PPIL4: variants seen among roughly 807,000 people sequenced by gnomAD.
PPIL4 encodes the protein peptidyl-prolyl cis-trans isomerase-like 4.
In PPIL4, 50 loss-of-function variants were observed where a neutral mutation model predicts 69.1. The observed-to-expected ratio is 0.72, with a 90% CI of 0.58 to 0.92. The LOEUF is 0.92. Ranked by LOEUF, PPIL4 falls within the 40% of genes least tolerant of loss-of-function variation. The pLI is 0.00. For missense variants in PPIL4, 480 were observed against 587.9 expected, an observed-to-expected ratio of 0.82 and a Z score of 1.90; for synonymous variants, 193 against 191.6, an observed-to-expected ratio of 1.01 and a Z score of -0.06.
At chr6:149,523,245 G>T (rs548728575) in intron 9 of PPIL4, among the ~76,000 whole-genome samples, 1 of 152,176 alleles carries the variant, frequency 6.6e-6, no homozygotes, top group South Asian at 2.1e-4. Flanking sequence ...TTGAGCCCAT[G>T]AGCTCAAGTC....
intron 10 of PPIL4, among the ~76,000 whole-genome samples, chr6:149,518,051 A>G (rs1776975622): frequency 6.6e-6 from 1 of 152,140 alleles, no homozygotes; most frequent in East Asian, 1.9e-4. Flanking sequence ...TCAGGCAAAT[A>G]GAAGAGGGCA....
chr6:149,521,236 T>C (rs543542568), intron 9 of PPIL4, 65 bp from the exon 10 acceptor site: 10 of 943,194 alleles, frequency 1.1e-5, no homozygotes, highest in East Asian at 7.3e-5. Flanking sequence ...GCTAGAATAC[T>C]GAAAATACAA....
rs765310002 is a variant in PPIL4, at chr6:149,512,268, C to T, written c.1114G>A (p.Glu372Lys). Residue 372 changes from glutamate (E) to lysine (K), a missense_variant, in exon 12 of 13, where the codon GAA (glutamate) becomes AAA (lysine). Glu to Lys is a moderately conservative substitution (Grantham distance 56). Coordinates refer to ENST00000253329, the MANE Select transcript of PPIL4 (RefSeq NM_139126.4). ...TGTGAGTGACTTGATTTTGAGTCTTCGGCCTGCTCATCTAATATAAGATCG... is the reference window on the plus strand; with the variant it reads ...TGTGAGTGACTTGATTTTGAGTCTTTGGCCTGCTCATCTAATATAAGATCG... ...KYDLILDEQAEDSKSSHSHTS... is the reference protein window; with the variant it reads ...KYDLILDEQAKDSKSSHSHTS... 13 of 1,612,670 alleles carry T rather than the reference C, an allele frequency of 8.1e-6. No homozygotes were observed. In the Admixed American group the frequency reaches 1.2e-4, roughly 14 times the overall value.
chr6:149,530,660 GAAA>G (rs147953629), intron 7 of PPIL4, among the ~76,000 whole-genome samples: 1 of 124,522 alleles, frequency 8.0e-6, no homozygotes, highest in Admixed American at 8.2e-5. Flanking sequence ...CTCCATCTCG[GAAA>G]AAAAAAAAGA....
chr6:149,530,490 C>G (rs533096742), intron 7 of PPIL4, among the ~76,000 whole-genome samples: 17 of 152,098 alleles, frequency 1.1e-4, no homozygotes, highest in African/African-American at 3.9e-4. Flanking sequence ...GAAACCCTGT[C>G]TCTACTAAAA....
chr6:149,512,227 G>T lies in PPIL4; in HGVS notation c.1155C>A (p.His385Gln), dbSNP rs760656623. ...CAGAACAGTGATGGGTTTTCTTCTT[G>T]TGTTTTTTACTTGTGTGTGAGTGAC... Reference protein sequence around the residue: ...KSSHSHTSKKHKKKTHHCSEE... With the variant: ...KSSHSHTSKKQKKKTHHCSEE... Residue 385 changes from histidine (H) to glutamine (Q), a missense_variant, in exon 12 of 13, where the codon CAC becomes CAA. His to Gln is a conservative substitution (Grantham distance 24, BLOSUM62 0). Transcript: ENST00000253329. 1.2e-6 allele frequency: 2 copies of T among 1,613,012 alleles called. No homozygotes were observed. The highest frequency in any genetic ancestry group is 1.1e-5 in the South Asian group (1 of 91,042).
At chr6:149,534,917 T>C in intron 5 of PPIL4, 143 bp from the exon 6 acceptor site, 2 of 522,972 alleles carry the variant, frequency 3.8e-6, no homozygotes, top group Admixed American at 3.7e-5. Context: ...CTAACCTAGA[T>C]ATACTTTCAC....
At chr6:149,544,332 G>A (rs1777408426) in intron 1 of PPIL4, among the ~76,000 whole-genome samples, 2 of 152,208 alleles carry the variant, frequency 1.3e-5, no homozygotes, top group African/African-American at 4.8e-5. Flanking sequence ...GCCAGTTTGA[G>A]TTGGGTTTCT....
At chr6:149,525,649 G>T (rs1368798124) in intron 8 of PPIL4, among the ~76,000 whole-genome samples, 1 of 151,972 alleles carries the variant, frequency 6.6e-6, no homozygotes, top group Non-Finnish European at 1.5e-5. Flanking sequence ...TGAAATTTTT[G>T]AATTTTAATA....
chr6:149,515,289 T>C (rs918539679), intron 11 of PPIL4, among the ~76,000 whole-genome samples: 1 of 151,398 alleles, frequency 6.6e-6, no homozygotes, highest in Non-Finnish European at 1.5e-5. Flanking sequence ...ACCCAGCCTA[T>C]TTCTTAAATG....
At chr6:149,533,286 A>G (rs889124084) in intron 7 of PPIL4, among the ~76,000 whole-genome samples, 172 bp downstream of exon 7, 1 of 152,218 alleles carries the variant, frequency 6.6e-6, no homozygotes, top group African/African-American at 2.4e-5. Flanking sequence ...GTAGAGTCAA[A>G]TTTATTTTCA....
At chr6:149,541,194 G>A in intron 3 of PPIL4, 135 bp from the exon 4 acceptor site, 1 of 541,928 alleles carries the variant, frequency 1.8e-6, no homozygotes, top group Non-Finnish European at 3.0e-6. Context: ...TTTTTTTTTA[G>A]GGAACTTGGG....
intron 3 of PPIL4, 22 bp from the exon 4 acceptor site, chr6:149,541,081 T>A: frequency 7.5e-7 from 1 of 1,336,110 alleles, no homozygotes; most frequent in South Asian, 1.2e-5. Context: ...TATAAGGTTA[T>A]AAATGTAAGT....
At chr6:149,508,097 G>A (rs1776792579) in intron 12 of PPIL4, among the ~76,000 whole-genome samples, 1 of 152,194 alleles carries the variant, frequency 6.6e-6, no homozygotes, top group African/African-American at 2.4e-5. Flanking sequence ...CTTTAGGAGT[G>A]CAATATCCTC....
intron 7 of PPIL4, among the ~76,000 whole-genome samples, chr6:149,527,174 A>C (rs1231473322): frequency 6.6e-6 from 1 of 152,222 alleles, no homozygotes; most frequent in African/African-American, 2.4e-5. Flanking sequence ...CCTGGCCAAC[A>C]TGGTGAAACC....
chr6:149,531,363 CA>C (rs34176914), intron 7 of PPIL4, among the ~76,000 whole-genome samples: 9,965 of 65,842 alleles, frequency 0.15, 335 homozygotes, highest in African/African-American at 0.19. Flanking sequence ...GATTCTGTCT[CA>C]AAAAAAAAAA....
At chr6:149,538,681 T>C (rs1010697945) in intron 4 of PPIL4, among the ~76,000 whole-genome samples, 21 of 152,084 alleles carry the variant, frequency 1.4e-4, no homozygotes, top group Non-Finnish European at 2.4e-4. Flanking sequence ...TGACTTTGAG[T>C]GGCTCAAGAC....
rs547128392 is a variant in PPIL4, at chr6:149,531,280, G to T, written c.678+2178C>A. On this transcript the variant is annotated intron_variant, in intron 7 of 12. Coordinates refer to ENST00000253329, the MANE Select transcript of PPIL4 (RefSeq NM_139126.4). The stretch of plus-strand genomic sequence containing the variant: ...CTCGGGAGCCTGAGGCAGAAGAATC[G>T]CTTGAACCCGGGAGGCAGAGGTTGC... Among the ~76,000 whole-genome samples the T allele has an allele frequency of 5.3e-5, 8 of 150,748 alleles. No homozygotes were observed. In the South Asian group the frequency reaches 1.7e-3, roughly 32 times the overall value.
intron 2 of PPIL4, 43 bp from the exon 3 acceptor site, chr6:149,541,474 G>A (rs1405132431): frequency 6.6e-7 from 1 of 1,522,718 alleles, no homozygotes; most frequent in Non-Finnish European, 9.1e-7. Flanking sequence ...GAGTTTGTTA[G>A]ATAGTTCCAA....
Sources: allele counts gnomAD v4.1 joint callset (sites outside exome capture counted in the v4.1 genomes callset), GRCh38; gene constraint gnomAD v4.1.1; transcripts MANE v1.5; gene names NCBI Gene and HGNC (gene_info 2026-07-23, HGNC 2026-07-21).